Variants in C4orf50 observed in about 807,000 individuals in gnomAD.
The protein encoded by C4orf50 is chromosome 4 open reading frame 50.
A neutral mutation model predicts 77.2 loss-of-function variants in C4orf50; 80 were observed. That is an observed-to-expected ratio of 1.04 (90% CI 0.87 to 1.25). The LOEUF (loss-of-function observed/expected upper bound fraction) is 1.25. Ranked by LOEUF, C4orf50 falls within the 50% of genes most tolerant of loss-of-function variation. The pLI is 0.00. For synonymous variants in C4orf50, 532 were observed against 465.3 expected, an observed-to-expected ratio of 1.14 and a Z score of -1.84; for missense variants, 1,257 against 1,152.9, an observed-to-expected ratio of 1.09 and a Z score of -1.31.
chr4:5,911,636 G>C (rs1716811048), intron 7 of C4orf50, among the ~76,000 whole-genome samples: 1 of 152,210 alleles, frequency 6.6e-6, no homozygotes, highest in Admixed American at 6.5e-5. Context: ...CAGATAAAAA[G>C]ATGAAGAGGA....
At chr4:5,909,859 A>C (rs1252592845) in intron 7 of C4orf50, among the ~76,000 whole-genome samples, 1 of 152,130 alleles carries the variant, frequency 6.6e-6, no homozygotes, top group East Asian at 1.9e-4. Context: ...TGTTCCATTG[A>C]TCTATATGTC....
At chr4:5,994,064 G>GC (rs1418569537) in intron 26 of C4orf50, among the ~76,000 whole-genome samples, 1 of 152,078 alleles carries the variant, frequency 6.6e-6, no homozygotes. Flanking sequence ...GGCCTATGAG[G>GC]CCCCCTGGCT....
At chr4:5,972,029 A>G (rs946671705) in intron 31 of C4orf50, among the ~76,000 whole-genome samples, 4 of 145,080 alleles carry the variant, frequency 2.8e-5, no homozygotes, top group Non-Finnish European at 6.0e-5. Context: ...TTTTTTTGAC[A>G]CAGTCTTGCT....
intron 7 of C4orf50, among the ~76,000 whole-genome samples, chr4:5,928,952 C>A (rs1201010535): frequency 6.6e-6 from 1 of 152,186 alleles, no homozygotes; most frequent in Non-Finnish European, 1.5e-5. Context: ...TTCCCCAAAG[C>A]ATCATCTTTG....
chr4:5,971,418 C>T (rs893668518), intron 31 of C4orf50, among the ~76,000 whole-genome samples: 3 of 152,204 alleles, frequency 2.0e-5, no homozygotes, highest in Non-Finnish European at 4.4e-5. Context: ...CCTCCCCCGA[C>T]TCCTCCCCTG....
At chr4:6,013,220 A>G (rs1216408999) in intron 23 of C4orf50, among the ~76,000 whole-genome samples, 1 of 152,204 alleles carries the variant, frequency 6.6e-6, no homozygotes, top group African/African-American at 2.4e-5. Flanking sequence ...GAAAGGTCTC[A>G]AGGGTGGCAG....
At chr4:5,915,901 A>G (rs6855518) in intron 7 of C4orf50, among the ~76,000 whole-genome samples, 4,521 of 152,304 alleles carry the variant, frequency 0.03, 177 homozygotes, top group African/African-American at 0.092. Flanking sequence ...TTTAGGCTAC[A>G]CTTACCTGCT....
intron 7 of C4orf50, among the ~76,000 whole-genome samples, chr4:5,928,249 G>A (rs4388028): frequency 0.063 from 9,582 of 152,086 alleles, 562 homozygotes; most frequent in African/African-American, 0.16. Flanking sequence ...GCCATACTCA[G>A]GATCCTGGAA....
intron 33 of C4orf50, 113 bp from the exon 12 acceptor site, chr4:5,959,739 G>C (rs1307619177): frequency 7.6e-7 from 1 of 1,323,108 alleles, no homozygotes; most frequent in Non-Finnish European, 1.0e-6. Context: ...CGGTTTCGGG[G>C]CACTTTCTGT....
intron 25 of C4orf50, among the ~76,000 whole-genome samples, chr4:6,001,617 C>T (rs1721832793): frequency 6.6e-6 from 1 of 152,204 alleles, no homozygotes; most frequent in Non-Finnish European, 1.5e-5. Context: ...AAAGGGGCCT[C>T]AACCCACACA....
intron 7 of C4orf50, among the ~76,000 whole-genome samples, chr4:5,912,615 A>G (rs1380487749): frequency 6.6e-6 from 1 of 152,200 alleles, no homozygotes; most frequent in Non-Finnish European, 1.5e-5. Context: ...CATAGAGACA[A>G]CTGTGTTTGA....
chr4:5,939,566 T>C lies in C4orf50; in HGVS notation c.*2474+17335A>G, dbSNP rs569426974. Among the ~76,000 whole-genome samples, 189 of 152,330 alleles carry C rather than the reference T, an allele frequency of 1.2e-3. 1 individual carries two copies. Among genetic ancestry groups the C allele is most frequent in the Non-Finnish European group, 2.1e-3 (141 of 68,038 alleles). ...CCTTTTCTTCTGGACATCTAGACTA[T>C]GGAAAACTCTGCTCTGCTGTTCAGA... On this transcript the variant is annotated intron_variant, in intron 7 of 7. Transcript: ENST00000324058.
chr4:5,990,832 T>C lies in C4orf50; in HGVS notation c.1222-8A>G. 1 of 399,118 alleles carries C rather than the reference T, an allele frequency of 2.5e-6. No homozygotes were observed. The highest frequency in any genetic ancestry group is 4.4e-6 in the Non-Finnish European group (1 of 226,146). The allele number at this position is 399,118 out of a possible 1,614,324, so 24.7% of individuals were successfully genotyped here. Reference sequence around the variant, plus strand: ...GGGCTCTGCCAGAGTAAGCTACAAATGGAGAGAGAAGATGAGGTGTGAAAC... The same window carrying C: ...GGGCTCTGCCAGAGTAAGCTACAAACGGAGAGAGAAGATGAGGTGTGAAAC... On this transcript the variant is annotated splice_region_variant and splice_polypyrimidine_tract_variant and intron_variant, in intron 27 of 33. Transcript: ENST00000531445.
At chr4:5,941,931 T>C (rs1718285912) in intron 7 of C4orf50, among the ~76,000 whole-genome samples, 1 of 152,216 alleles carries the variant, frequency 6.6e-6, no homozygotes, top group East Asian at 1.9e-4. Context: ...CCTTTCTTTG[T>C]CTTTCTTGGG....
intron 7 of C4orf50, among the ~76,000 whole-genome samples, chr4:5,942,958 C>A (rs543342310): frequency 6.6e-6 from 1 of 152,052 alleles, no homozygotes; most frequent in African/African-American, 2.4e-5. Flanking sequence ...TTTTAATTTT[C>A]CAAATTCACT....
In C4orf50 at chr4:5,901,750, G is replaced by T. The variant is rs144586110; in HGVS notation, c.*2475-3562C>A. The T allele has an allele frequency of 1.3e-5, 2 of 152,370 alleles. No individual in the cohort carries two copies. The highest frequency in any genetic ancestry group is 2.9e-5 in the Non-Finnish European group (2 of 68,176). 9.4% of individuals were successfully genotyped at this position (152,370 alleles called of 1,614,324 possible). On this transcript the variant is annotated intron_variant, in intron 7 of 7. Transcript: ENST00000324058. This position sits in a 1 kb window ranked among gnomAD's most constrained non-coding sequence, Gnocchi z 4.4. ...GCCCAGGGACCCTGGAAATGACTGA[G>T]GGGATAACCGAAGCAGCACAGGCTG...
At chr4:5,997,595 C>G (rs751210716) in intron 25 of C4orf50, among the ~76,000 whole-genome samples, 20 of 152,208 alleles carry the variant, frequency 1.3e-4, no homozygotes, top group Non-Finnish European at 2.6e-4. Context: ...CATTTCAACC[C>G]TCAAGAAAAC....
In C4orf50 at chr4:6,003,645, T is replaced by C. The variant is rs533283655; in HGVS notation, c.963+4351A>G. Among the ~76,000 whole-genome samples the C allele has an allele frequency of 2.3e-3, 289 of 127,684 alleles. 3 individuals carry two copies. The highest frequency in any genetic ancestry group is 7.3e-3 in the African/African-American group (255 of 34,898). 83.8% of individuals were successfully genotyped at this position (127,684 alleles called of 152,430 possible). The stretch of plus-strand genomic sequence containing the variant: ...GGTGGTGATGACGGTGATGATGTGA[T>C]AGTGATGATGGTGATGATGGTGATG... On this transcript the variant is annotated intron_variant, in intron 25 of 33. Transcript: ENST00000531445.
At position 6,014,429 on chromosome 4, in the gene C4orf50, T is replaced by C. The variant is rs375167277; in HGVS notation, c.288-2461A>G. Among the ~76,000 whole-genome samples, 4 of 152,362 alleles carry C rather than the reference T, an allele frequency of 2.6e-5. No individual in the cohort carries two copies. The East Asian group carries it at 5.8e-4, about 22-fold the overall frequency. On this transcript the variant is annotated intron_variant, in intron 23 of 33. Transcript: ENST00000531445. ...ACTGCATTTAGATGGGGAATAAATA[T>C]GCAAAATGATAGTGTTATGAAGATG...
Sources: allele counts gnomAD v4.1 joint callset (sites outside exome capture counted in the v4.1 genomes callset), GRCh38; gene constraint gnomAD v4.1.1; non-coding constraint Gnocchi (gnomAD v3.1); transcripts MANE v1.5; gene names NCBI Gene and HGNC (gene_info 2026-07-23, HGNC 2026-07-21).